The following PIK3R5 variants were observed in gnomAD, a reference collection of about 807,000 sequenced individuals.
The protein encoded by PIK3R5 is phosphoinositide-3-kinase regulatory subunit 5.
A neutral mutation model predicts 94.9 loss-of-function variants in PIK3R5; 32 were observed. The observed-to-expected ratio is 0.34, with a 90% CI of 0.25 to 0.45. The LOEUF is 0.45. Ranked by LOEUF, PIK3R5 falls within the 20% of genes least tolerant of loss-of-function variation. The pLI is 1.00. For synonymous variants in PIK3R5, 443 were observed against 479.4 expected, an observed-to-expected ratio of 0.92 and a Z score of 0.99; for missense variants, 853 against 1,144.6, an observed-to-expected ratio of 0.75 and a Z score of 3.68.
intron 1 of PIK3R5, among the ~76,000 whole-genome samples, chr17:8,913,636 C>T (rs1175250877): frequency 3.9e-5 from 6 of 152,260 alleles, no homozygotes; most frequent in South Asian, 2.1e-4. Flanking sequence ...CGCTTGAACC[C>T]GGGAGGCGGA....
rs1025791980 is a variant in PIK3R5, at chr17:8,889,762, A to T, written c.811+211T>A. On this transcript the variant is annotated intron_variant, in intron 8 of 18. Transcript: ENST00000447110. The surrounding 1 kb of genome is among the most constrained non-coding windows in gnomAD (Gnocchi z 4.1). ...GTAAGCACTCTCTTTTCCTCTTCCC[A>T]CAAGCTGCCATCATGATAGCACCCC... Among the ~76,000 whole-genome samples, 1 of 152,018 alleles carries T rather than the reference A, an allele frequency of 6.6e-6. No homozygotes were observed. Among genetic ancestry groups the T allele is most frequent in the Non-Finnish European group, 1.5e-5 (1 of 67,972 alleles).
In PIK3R5 at chr17:8,884,575, G is replaced by A. The variant is rs915867831; in HGVS notation, c.2205+132C>T. 5.9e-6 allele frequency: 4 copies of A among 679,758 alleles called. No homozygotes were observed. Among genetic ancestry groups the A allele is most frequent in the Admixed American group, 4.6e-5 (2 of 43,584 alleles). The allele number at this position is 679,758 out of a possible 1,614,324, so 42.1% of individuals were successfully genotyped here. A position where few individuals can be genotyped will look rare whatever the true frequency, so the allele number is the denominator to read the frequency against. Reference sequence around the variant, plus strand: ...TCTCTGCTTCTCTCAGCATCCAGGGGAGCCTGCTGCAGCCTTCCAGCGTAA... The same window carrying A: ...TCTCTGCTTCTCTCAGCATCCAGGGAAGCCTGCTGCAGCCTTCCAGCGTAA... On this transcript the variant is annotated intron_variant, in intron 15 of 18. Coordinates refer to ENST00000447110, the MANE Select transcript of PIK3R5 (RefSeq NM_001142633.3). This position sits in a 1 kb window ranked among gnomAD's most constrained non-coding sequence, Gnocchi z 5.8.
Position 8,887,574 on chromosome 17 carries a change from G to A in PIK3R5, c.1726C>T (p.Arg576Trp), listed in dbSNP as rs763912062. The A allele has an allele frequency of 1.1e-5, 17 of 1,608,776 alleles. No individual in the cohort carries two copies. The highest frequency in any genetic ancestry group is 1.6e-4 in the Middle Eastern group (1 of 6,076). The change falls in exon 11 of 19, where the codon CGG becomes TGG. Residue 576 changes from arginine to tryptophan, a missense_variant. By Grantham distance (101) the Arg-to-Trp change is moderately radical. Coordinates refer to ENST00000447110, the MANE Select transcript of PIK3R5 (RefSeq NM_001142633.3). ...GTSPGACPPP[R>W]SQTPSPPTDS... Reference sequence around the variant, plus strand: ...GTCGGGGGTGAGGGCGTCTGGCTCCGAGGGGGTGGACAGGCACCAGGGCTG... The same window carrying A: ...GTCGGGGGTGAGGGCGTCTGGCTCCAAGGGGGTGGACAGGCACCAGGGCTG...
chr17:8,939,954 C>T (rs2091144658), intron 1 of PIK3R5, among the ~76,000 whole-genome samples: 1 of 152,224 alleles, frequency 6.6e-6, no homozygotes, highest in Non-Finnish European at 1.5e-5. Flanking sequence ...TGTTTCAGTT[C>T]TCATGGTGGT....
At position 8,889,092 on chromosome 17, in the gene PIK3R5, C is replaced by G; in HGVS notation, c.895+47G>C. The G allele has an allele frequency of 6.3e-7, 1 of 1,580,554 alleles. No individual in the cohort carries two copies. Among genetic ancestry groups the G allele is most frequent in the African/African-American group, 1.3e-5 (1 of 74,146 alleles). On this transcript the variant is annotated intron_variant, in intron 9 of 18. Transcript: ENST00000447110. The surrounding 1 kb of genome is among the most constrained non-coding windows in gnomAD (Gnocchi z 4.1). ...CATGGACCCAGGACCAGAAACACAG[C>G]TCAGGCAGTGTGGGGCATGGGTGTC...
chr17:8,888,505 A>G lies in PIK3R5; in HGVS notation c.1282T>C (p.Phe428Leu). ...GQKFIRIYKL[F>L]KSTSQLVLRR... is the part of the protein sequence containing the mutation. ...AGTACCAGCTGGCTGGTGCTCTTGA[A>G]GAGTTTATAGATCCTGATGAACTTC... The change falls in exon 10 of 19, where the codon TTC becomes CTC. Residue 428 changes from phenylalanine to leucine, a missense_variant. Around this residue, in one of 6 missense-constraint regions of PIK3R5, gnomAD observed 319 missense variants for 339.8 expected, o/e 0.94. Coordinates refer to ENST00000447110, the MANE Select transcript of PIK3R5 (RefSeq NM_001142633.3). This position sits in a 1 kb window ranked among gnomAD's most constrained non-coding sequence, Gnocchi z 7.8. 1 of 1,609,938 alleles carries G rather than the reference A, an allele frequency of 6.2e-7. No individual in the cohort carries two copies. The highest frequency in any genetic ancestry group is 8.5e-7 in the Non-Finnish European group (1 of 1,178,902).
At chr17:8,942,368 C>T (rs931472426) in intron 1 of PIK3R5, among the ~76,000 whole-genome samples, 12 of 152,006 alleles carry the variant, frequency 7.9e-5, no homozygotes, top group Admixed American at 5.9e-4. Context: ...CTTCTCTGTT[C>T]CACCCATAGT....
At chr17:8,923,886 C>T (rs904529468) in intron 1 of PIK3R5, among the ~76,000 whole-genome samples, 1 of 131,500 alleles carries the variant, frequency 7.6e-6, no homozygotes, top group Non-Finnish European at 1.7e-5. Flanking sequence ...CTTCCCCTCC[C>T]CTCCCCTCCC....
chr17:8,923,992 G>C (rs2090809890), intron 1 of PIK3R5, among the ~76,000 whole-genome samples: 1 of 129,852 alleles, frequency 7.7e-6, no homozygotes, highest in Non-Finnish European at 1.6e-5. Flanking sequence ...GCAGCCTTCT[G>C]GGTGTGGAAA....
intron 1 of PIK3R5, among the ~76,000 whole-genome samples, chr17:8,947,727 C>T (rs1307178329): frequency 2.0e-5 from 3 of 152,102 alleles, no homozygotes. Context: ...AGAGAATGAG[C>T]GTATCATGAA....
intron 1 of PIK3R5, among the ~76,000 whole-genome samples, chr17:8,952,042 T>C (rs1597434026): frequency 6.6e-6 from 1 of 152,224 alleles, no homozygotes; most frequent in Non-Finnish European, 1.5e-5. Flanking sequence ...GCAGATGCGA[T>C]GGCAATTGCT....
intron 1 of PIK3R5, among the ~76,000 whole-genome samples, chr17:8,912,788 C>T (rs2090553782): frequency 6.6e-6 from 1 of 152,280 alleles, no homozygotes; most frequent in African/African-American, 2.4e-5. Flanking sequence ...ACGGAGGCCC[C>T]ACACAGGCAA....
chr17:8,944,846 T>C (rs1027080737), intron 1 of PIK3R5, among the ~76,000 whole-genome samples: 3 of 152,012 alleles, frequency 2.0e-5, no homozygotes, highest in African/African-American at 7.3e-5. Context: ...CAGGTAACTA[T>C]ATCCAGGGAC....
intron 1 of PIK3R5, among the ~76,000 whole-genome samples, chr17:8,957,980 A>C (rs1005645912): frequency 4.6e-5 from 7 of 152,214 alleles, no homozygotes; most frequent in African/African-American, 1.7e-4. Flanking sequence ...GGCAGCACAG[A>C]AAAGGAAAAT....
intron 1 of PIK3R5, among the ~76,000 whole-genome samples, chr17:8,953,964 A>G (rs977645705): frequency 6.6e-6 from 1 of 151,970 alleles, no homozygotes; most frequent in African/African-American, 2.4e-5. Flanking sequence ...ACTCTCCATC[A>G]TGCATGAGCT....
chr17:8,893,806 C>T lies in PIK3R5; in HGVS notation c.413-151G>A, dbSNP rs1810421128. 3.2e-6 allele frequency: 2 copies of T among 618,926 alleles called. No homozygotes were observed. Among genetic ancestry groups the T allele is most frequent in the Non-Finnish European group, 5.9e-6 (2 of 340,866 alleles). 38.3% of individuals were successfully genotyped at this position (618,926 alleles called of 1,614,324 possible). ...GCAGAGAAGCTGTTCTGTGGACCCT[C>T]CAGGGTGCCTAGCAGTTTGCTTCTA... is the stretch of plus-strand genomic sequence containing the variant. On this transcript the variant is annotated intron_variant, in intron 5 of 18. Coordinates refer to ENST00000447110, the MANE Select transcript of PIK3R5 (RefSeq NM_001142633.3). This position sits in a 1 kb window ranked among gnomAD's most constrained non-coding sequence, Gnocchi z 5.1.
At chr17:8,886,741 G>C (rs1346263985) in intron 12 of PIK3R5, 136 bp from the exon 13 acceptor site, 1 of 1,045,674 alleles carries the variant, frequency 9.6e-7, no homozygotes, top group African/African-American at 1.6e-5. Flanking sequence ...GTGGAAGCAG[G>C]AAGCAGGGGA....
Position 8,888,162 on chromosome 17 carries a change from G to C in PIK3R5, c.1616+9C>G. 1 of 1,612,872 alleles carries C rather than the reference G, an allele frequency of 6.2e-7. No homozygotes were observed. On this transcript the variant is annotated intron_variant, in intron 10 of 18. Coordinates refer to ENST00000447110, the MANE Select transcript of PIK3R5 (RefSeq NM_001142633.3). This position sits in a 1 kb window ranked among gnomAD's most constrained non-coding sequence, Gnocchi z 7.8. ...AGGGCAGAGGGATGCTCCGCATTAC[G>C]GCTCTTACCGAAGGTTGCTGTACGC... is the stretch of plus-strand genomic sequence containing the variant.
At position 8,882,059 on chromosome 17, in the gene PIK3R5, G is replaced by T. The variant is rs900900488; in HGVS notation, c.2206-178C>A. ...GATAGACCTGGATGACTCCAGGGAA[G>T]AGCTCACGTCACTGGCTTGGTCTAG... On this transcript the variant is annotated intron_variant, in intron 15 of 18. Transcript: ENST00000447110. This position sits in a 1 kb window ranked among gnomAD's most constrained non-coding sequence, Gnocchi z 4.1. 5 of 604,698 alleles carry T rather than the reference G, an allele frequency of 8.3e-6. No homozygotes were observed. The African/African-American group carries it at 9.3e-5, about 11-fold the overall frequency. The allele number at this position is 604,698 out of a possible 1,614,324, so 37.5% of individuals were successfully genotyped here. A position where few individuals can be genotyped will look rare whatever the true frequency, so the allele number is the denominator to read the frequency against.
Sources: gnomAD v4.1 joint callset for allele counts (sites outside exome capture counted in the v4.1 genomes callset) on GRCh38, gnomAD v4.1.1 for gene constraint, gnomAD v4.1.1 regional missense constraint, Gnocchi (gnomAD v3.1) non-coding constraint, MANE v1.5 for transcripts, NCBI Gene and HGNC (gene_info 2026-07-23, HGNC 2026-07-21) for gene names.